Variants in ASIC2 observed in about 807,000 individuals in gnomAD.
ASIC2 encodes the protein acid sensing ion channel subunit 2, also known as acid-sensing ion channel 2.
A neutral mutation model predicts 57.3 loss-of-function variants in ASIC2; 25 were observed. The observed-to-expected ratio is 0.44, with a 90% CI of 0.32 to 0.61. The LOEUF (loss-of-function observed/expected upper bound fraction) is 0.61. ASIC2 is among the 20% of genes least tolerant of loss of function. The pLI, the probability that ASIC2 is intolerant of heterozygous loss-of-function variation, is 0.06. For missense variants in ASIC2, 641 were observed against 738.1 expected, an observed-to-expected ratio of 0.87 and a Z score of 1.52; for synonymous variants, 319 against 307.5, an observed-to-expected ratio of 1.04 and a Z score of -0.39.
chr17:33,908,938 T>C (rs539902619), intron 1 of ASIC2, among the ~76,000 whole-genome samples: 2 of 152,336 alleles, frequency 1.3e-5, no homozygotes, highest in South Asian at 4.1e-4. Flanking sequence ...TTCTTCTCCC[T>C]ACTGCTTACC....
At chr17:33,331,791 G>A (rs1042784202) in intron 1 of ASIC2, among the ~76,000 whole-genome samples, 7 of 152,216 alleles carry the variant, frequency 4.6e-5, no homozygotes, top group African/African-American at 7.2e-5. Context: ...CCTATTCTAC[G>A]ATGAGAAAAT....
intron 1 of ASIC2, among the ~76,000 whole-genome samples, chr17:33,659,571 A>T (rs1392453003): frequency 6.6e-6 from 1 of 152,150 alleles, no homozygotes; most frequent in Non-Finnish European, 1.5e-5. Context: ...AGCATAAATG[A>T]TTAAAAATGA....
chr17:33,348,245 G>A (rs549105771), intron 1 of ASIC2, among the ~76,000 whole-genome samples: 1 of 152,194 alleles, frequency 6.6e-6, no homozygotes, highest in African/African-American at 2.4e-5. Context: ...ACTGGTGAAG[G>A]GGGCTTTGAT....
chr17:33,999,333 G>A (rs1906262569), intron 1 of ASIC2, among the ~76,000 whole-genome samples: 1 of 152,062 alleles, frequency 6.6e-6, no homozygotes, highest in Non-Finnish European at 1.5e-5. Context: ...TATGTCTTTT[G>A]ATTGGGGCAT....
intron 1 of ASIC2, among the ~76,000 whole-genome samples, chr17:33,660,247 C>A (rs1249535391): frequency 6.6e-6 from 1 of 152,012 alleles, no homozygotes; most frequent in Non-Finnish European, 1.5e-5. Flanking sequence ...AAACACTGTC[C>A]ACTTATGCTA....
At chr17:33,962,524 C>T (rs1413205971) in intron 1 of ASIC2, among the ~76,000 whole-genome samples, 4 of 152,140 alleles carry the variant, frequency 2.6e-5, no homozygotes, top group African/African-American at 9.7e-5. Flanking sequence ...GTAAACTGCA[C>T]AACATTTTCC....
chr17:34,004,853 C>T, intron 1 of ASIC2: 1 of 151,366 alleles, frequency 6.6e-6, no homozygotes, highest in Middle Eastern at 3.4e-3. Flanking sequence ...TTATAGCTAA[C>T]TCTAAGCATG....
intron 1 of ASIC2, among the ~76,000 whole-genome samples, chr17:33,571,822 A>G (rs1402613448): frequency 1.3e-5 from 2 of 152,186 alleles, no homozygotes; most frequent in Non-Finnish European, 2.9e-5. Context: ...TGCTGGGTGC[A>G]CATTTTTTAA....
At chr17:33,352,410 G>C (rs913172677) in intron 1 of ASIC2, among the ~76,000 whole-genome samples, 2 of 152,106 alleles carry the variant, frequency 1.3e-5, no homozygotes, top group Non-Finnish European at 2.9e-5. Flanking sequence ...CCCTACATGG[G>C]AGGCCCTTCT....
chr17:33,326,530 G>A (rs920554813), intron 1 of ASIC2, among the ~76,000 whole-genome samples: 2 of 152,168 alleles, frequency 1.3e-5, no homozygotes, highest in African/African-American at 4.8e-5. Flanking sequence ...TCAGTGAAGA[G>A]CTGAATGTAA....
chr17:33,568,366 C>T (rs1458450764), intron 1 of ASIC2, among the ~76,000 whole-genome samples: 1 of 152,236 alleles, frequency 6.6e-6, no homozygotes, highest in African/African-American at 2.4e-5. Flanking sequence ...TATATCCGCT[C>T]ATTGGACTTG....
chr17:33,376,817 C>T (rs1488898087), intron 1 of ASIC2, among the ~76,000 whole-genome samples: 1 of 152,150 alleles, frequency 6.6e-6, no homozygotes, highest in Admixed American at 6.5e-5. Context: ...TCATCATCAT[C>T]ATCATCTCAT....
intron 1 of ASIC2, among the ~76,000 whole-genome samples, chr17:33,773,656 GTTTT>G (rs113663094): frequency 1.5e-5 from 2 of 136,966 alleles, no homozygotes; most frequent in African/African-American, 2.7e-5. Context: ...TAGTCTCTCT[GTTTT>G]TTTTTTTTTT....
At chr17:33,262,082 G>C (rs1909306603) in intron 1 of ASIC2, among the ~76,000 whole-genome samples, 1 of 152,188 alleles carries the variant, frequency 6.6e-6, no homozygotes. Context: ...TGCTTCCTTT[G>C]AACAGTCTGT....
intron 1 of ASIC2, among the ~76,000 whole-genome samples, chr17:33,567,787 C>G (rs1348830798): frequency 6.6e-6 from 1 of 152,002 alleles, no homozygotes; most frequent in Non-Finnish European, 1.5e-5. Flanking sequence ...GGGTTAGGAC[C>G]TAGAACTTGT....
intron 1 of ASIC2, among the ~76,000 whole-genome samples, chr17:33,202,542 A>G (rs55934423): frequency 0.026 from 4,025 of 152,232 alleles, 189 homozygotes; most frequent in African/African-American, 0.091. Context: ...GGGTCCATCA[A>G]GGGGTGCAGC....
intron 1 of ASIC2, among the ~76,000 whole-genome samples, chr17:34,076,885 A>G (rs1375872371): frequency 6.6e-6 from 1 of 152,184 alleles, no homozygotes; most frequent in African/African-American, 2.4e-5. Context: ...AGAAGGAAGG[A>G]GGAGGGAGGA....
chr17:33,819,111 T>C (rs1414839157), intron 1 of ASIC2, among the ~76,000 whole-genome samples: 2 of 152,214 alleles, frequency 1.3e-5, no homozygotes, highest in Non-Finnish European at 2.9e-5. Flanking sequence ...CCTAGCTATA[T>C]GCCTTTCCTA....
intron 1 of ASIC2, among the ~76,000 whole-genome samples, chr17:33,929,188 A>G (rs1407316914): frequency 1.3e-5 from 2 of 151,792 alleles, no homozygotes; most frequent in Non-Finnish European, 2.9e-5. Context: ...TCACCATTCC[A>G]CTGTTTTGTT....
Sources: allele counts gnomAD v4.1 joint callset (sites outside exome capture counted in the v4.1 genomes callset), GRCh38; gene constraint gnomAD v4.1.1; transcripts MANE v1.5; gene names NCBI Gene and HGNC (gene_info 2026-07-23, HGNC 2026-07-21).